Variants in ABCG8 observed in about 807,000 individuals in gnomAD.
ABCG8 encodes ATP-binding cassette sub-family G member 8.
ABCG8 carries 81 observed loss-of-function variants against 71.3 expected under a neutral mutation model. That is an observed-to-expected ratio of 1.14 (90% CI 0.95 to 1.37). ABCG8 has a LOEUF of 1.37. Among genes scored for constraint, ABCG8 ranks in the 40% most tolerant of loss-of-function variants. The pLI, the probability that ABCG8 is intolerant of heterozygous loss-of-function variation, is 0.00. For missense variants in ABCG8, 1,119 were observed against 866.2 expected, an observed-to-expected ratio of 1.29 and a Z score of -3.66; for synonymous variants, 451 against 354.7, an observed-to-expected ratio of 1.27 and a Z score of -3.05.
chr2:43,845,019 A>T (rs1234974669), intron 2 of ABCG8, among the ~76,000 whole-genome samples: 2 of 151,668 alleles, frequency 1.3e-5, no homozygotes, highest in Non-Finnish European at 2.9e-5. Context: ...ACACTAAGAA[A>T]TGAACAATGT....
chr2:43,876,936 G>A (rs1669979132), intron 11 of ABCG8, among the ~76,000 whole-genome samples: 1 of 151,096 alleles, frequency 6.6e-6, no homozygotes, highest in South Asian at 2.1e-4. Flanking sequence ...ATGTGAATAT[G>A]CAGGAGACCG....
intron 6 of ABCG8, among the ~76,000 whole-genome samples, chr2:43,861,541 A>G (rs1259037871): frequency 6.7e-6 from 1 of 149,212 alleles, no homozygotes; most frequent in Non-Finnish European, 1.5e-5. Flanking sequence ...TAGAATTCTC[A>G]GCATCTGGAT....
intron 11 of ABCG8, 111 bp downstream of exon 11, chr2:43,875,524 G>A: frequency 1.4e-6 from 2 of 1,392,800 alleles, no homozygotes; most frequent in Non-Finnish European, 1.9e-6. Context: ...ACTCGAGGCT[G>A]GCCCTTCTGG....
chr2:43,874,528 T>TA, intron 10 of ABCG8, 45 bp downstream of exon 10: 1 of 1,472,546 alleles, frequency 6.8e-7, no homozygotes, highest in Admixed American at 1.7e-5. Context: ...CCCACCAGGG[T>TA]GGGGGTAAGT....
intron 11 of ABCG8, among the ~76,000 whole-genome samples, chr2:43,876,813 T>C (rs1287488503): frequency 6.9e-6 from 1 of 144,340 alleles, no homozygotes; most frequent in African/African-American, 2.6e-5. Context: ...AGAGACTGTG[T>C]GAATATGGGG....
At chr2:43,870,096 G>T (rs969470946) in intron 6 of ABCG8, among the ~76,000 whole-genome samples, 2 of 151,390 alleles carry the variant, frequency 1.3e-5, no homozygotes, top group African/African-American at 2.4e-5. Flanking sequence ...TCACCATCTG[G>T]ATAGAACTCT....
chr2:43,873,839 G>A lies in ABCG8; in HGVS notation c.1264G>A (p.Ala422Thr), dbSNP rs776136199. ...RDLPTLLIHG[A>T]EACLMSMTIG... ...CCTGCCCACCCTCCTCATCCATGGGGCGGAGGCCTGTCTGATGTCAATGAC... is the reference window on the plus strand; with the variant it reads ...CCTGCCCACCCTCCTCATCCATGGGACGGAGGCCTGTCTGATGTCAATGAC... Residue 422 changes from alanine (A) to threonine (T), a missense_variant, in exon 9 of 13, where the codon GCG becomes ACG. Ala to Thr is a moderately conservative substitution (Grantham distance 58). Transcript: ENST00000272286. 6.2e-7 allele frequency: 1 copy of A among 1,614,042 alleles called. No individual in the cohort carries two copies. Among genetic ancestry groups the A allele is most frequent in the South Asian group, 1.1e-5 (1 of 91,046 alleles).
chr2:43,875,559 C>G (rs187873006), intron 11 of ABCG8, 146 bp downstream of exon 11: 1 of 1,015,982 alleles, frequency 9.8e-7, no homozygotes, highest in Non-Finnish European at 1.4e-6. Context: ...GCCCACTGCC[C>G]TGGAGGCCAA....
intron 6 of ABCG8, among the ~76,000 whole-genome samples, chr2:43,859,497 C>A (rs1183691679): frequency 6.6e-6 from 1 of 151,326 alleles, no homozygotes; most frequent in Non-Finnish European, 1.5e-5. Context: ...AGAACTCTCA[C>A]TATCTATCTG....
chr2:43,864,367 T>C (rs72796802), intron 6 of ABCG8, among the ~76,000 whole-genome samples: 7,907 of 151,802 alleles, frequency 0.052, 248 homozygotes, highest in Middle Eastern at 0.11. Context: ...ACTACCTATC[T>C]GGATATAATT....
At chr2:43,841,955 A>G (rs1455687777) in intron 1 of ABCG8, among the ~76,000 whole-genome samples, 3 of 152,010 alleles carry the variant, frequency 2.0e-5, no homozygotes, top group Non-Finnish European at 2.9e-5. Context: ...TATTTGTTTT[A>G]AAAACAACAA....
rs1292257117 is a variant in ABCG8, at chr2:43,856,731, C to T, written c.964+3863C>T. 2.0e-5 allele frequency among the ~76,000 whole-genome samples: 3 copies of T among 152,058 alleles called. No homozygotes were observed. In the East Asian group the frequency reaches 5.8e-4, roughly 30 times the overall value. On this transcript the variant is annotated intron_variant, in intron 6 of 12. Coordinates refer to ENST00000272286, the MANE Select transcript of ABCG8 (RefSeq NM_022437.3). ...ACTATCTATCTGGATGGAATTCTCA[C>T]CATCTGGAAGAAGTTTCACTATCTG...
chr2:43,861,908 A>G (rs1362434203), intron 6 of ABCG8, among the ~76,000 whole-genome samples: 3 of 145,654 alleles, frequency 2.1e-5, no homozygotes, highest in Non-Finnish European at 3.1e-5. Context: ...GGATAGAATT[A>G]TCACTCTCTG....
intron 1 of ABCG8, among the ~76,000 whole-genome samples, chr2:43,841,023 T>C (rs1387953841): frequency 6.6e-6 from 1 of 152,168 alleles, no homozygotes; most frequent in Non-Finnish European, 1.5e-5. Context: ...CCTCATGCCA[T>C]GGGCAGGAGC....
chr2:43,840,364 G>A (rs530802349), intron 1 of ABCG8, among the ~76,000 whole-genome samples: 2 of 152,332 alleles, frequency 1.3e-5, no homozygotes, highest in East Asian at 1.9e-4. Context: ...GAAAGTCAGC[G>A]GGACTTTGGG....
chr2:43,867,754 G>T (rs1669583349), intron 6 of ABCG8, among the ~76,000 whole-genome samples: 1 of 151,716 alleles, frequency 6.6e-6, no homozygotes, highest in Non-Finnish European at 1.5e-5. Context: ...CCTCTGGATA[G>T]AACTGTCACT....
chr2:43,840,529 G>A (rs937577123), intron 1 of ABCG8, among the ~76,000 whole-genome samples: 1 of 152,110 alleles, frequency 6.6e-6, no homozygotes, highest in African/African-American at 2.4e-5. Context: ...CGGTCTGCCC[G>A]TAACACCTGT....
chr2:43,872,447 G>A (rs112886774), intron 8 of ABCG8, 141 bp downstream of exon 8: 11 of 998,508 alleles, frequency 1.1e-5, no homozygotes, highest in African/African-American at 3.2e-5. Flanking sequence ...CCAGCAGGGC[G>A]TTGGTGGCTT....
At chr2:43,842,076 G>A (rs999555530) in intron 1 of ABCG8, among the ~76,000 whole-genome samples, 1 of 151,828 alleles carries the variant, frequency 6.6e-6, no homozygotes, top group Non-Finnish European at 1.5e-5. Context: ...GCACGATCTC[G>A]GCTCCCTGCA....
Sources: gnomAD v4.1 joint callset for allele counts (sites outside exome capture counted in the v4.1 genomes callset) on GRCh38, gnomAD v4.1.1 for gene constraint, MANE v1.5 for transcripts, NCBI Gene and HGNC (gene_info 2026-07-23, HGNC 2026-07-21) for gene names.